The following PDE10A variants were observed in gnomAD, a reference collection of about 807,000 sequenced individuals.
PDE10A encodes the protein phosphodiesterase 10A.
A neutral mutation model predicts 97.7 loss-of-function variants in PDE10A; 39 were observed. The observed-to-expected ratio is 0.40, with a 90% CI of 0.31 to 0.52. The LOEUF (loss-of-function observed/expected upper bound fraction) is 0.52. Ranked by LOEUF, PDE10A falls within the 20% of genes least tolerant of loss-of-function variation. The pLI, the probability that PDE10A is intolerant of heterozygous loss-of-function variation, is 0.56. For synonymous variants in PDE10A, 371 were observed against 376.8 expected (o/e 0.98, Z 0.18); for missense variants, 731 against 1,047.8 (o/e 0.70, Z 4.17).
chr6:165,956,656 G>GCCTTTTCCTA (rs1178001022), intron 1 of PDE10A, among the ~76,000 whole-genome samples: 2 of 152,170 alleles, frequency 1.3e-5, no homozygotes, highest in Non-Finnish European at 2.9e-5. Context: ...ACCAGATCCT[G>GCCTTTTCCTA]CCTTTTCCTA....
In PDE10A at chr6:165,655,352, G is replaced by A. The variant is rs963549167; in HGVS notation, c.865+6595C>T. ...CATCTCAGGCTGAACACCACCAAAC[G>A]CCACGCCTGATTCCTTGCGCACCCC... On this transcript the variant is annotated intron_variant, in intron 1 of 21. Transcript: ENST00000539869. This position sits in a 1 kb window ranked among gnomAD's most constrained non-coding sequence, Gnocchi z 4.5. Among the ~76,000 whole-genome samples, 1 of 151,914 alleles carries A rather than the reference G, an allele frequency of 6.6e-6. No homozygotes were observed. Among genetic ancestry groups the A allele is most frequent in the African/African-American group, 2.4e-5 (1 of 41,334 alleles).
intron 1 of PDE10A, among the ~76,000 whole-genome samples, chr6:165,807,685 A>C (rs2128466729): frequency 6.6e-6 from 1 of 152,190 alleles, no homozygotes; most frequent in East Asian, 1.9e-4. Flanking sequence ...TAACTCCCAC[A>C]AGTCCTCTTA....
At chr6:165,658,681 T>C (rs1790085144) in intron 1 of PDE10A, among the ~76,000 whole-genome samples, 1 of 152,264 alleles carries the variant, frequency 6.6e-6, no homozygotes, top group Non-Finnish European at 1.5e-5. Flanking sequence ...CCCACGTGAC[T>C]TCTCCGCTCT....
At chr6:165,695,932 C>T (rs1169502699) in intron 1 of PDE10A, among the ~76,000 whole-genome samples, 1 of 152,118 alleles carries the variant, frequency 6.6e-6, no homozygotes, top group East Asian at 1.9e-4. Flanking sequence ...GTTGAAAACA[C>T]CCAGGGCAAT....
intron 1 of PDE10A, among the ~76,000 whole-genome samples, chr6:165,859,593 A>C (rs1304190983): frequency 2.0e-5 from 3 of 152,248 alleles, no homozygotes; most frequent in African/African-American, 7.2e-5. Flanking sequence ...CACGCCACCC[A>C]CCAGGAGCTG....
chr6:165,463,202 G>A (rs1179313853), intron 3 of PDE10A, among the ~76,000 whole-genome samples: 1 of 152,182 alleles, frequency 6.6e-6, no homozygotes, highest in Non-Finnish European at 1.5e-5. Flanking sequence ...TACAGCAAAA[G>A]TTCCTATTAT....
intron 1 of PDE10A, among the ~76,000 whole-genome samples, chr6:165,719,301 C>T (rs1281583816): frequency 6.6e-6 from 1 of 152,146 alleles, no homozygotes; most frequent in African/African-American, 2.4e-5. Flanking sequence ...AAGGAACGTT[C>T]CTGTGAAGCT....
intron 19 of PDE10A, among the ~76,000 whole-genome samples, chr6:165,341,382 C>T (rs1562363752): frequency 6.6e-6 from 1 of 152,180 alleles, no homozygotes. Flanking sequence ...TTTAAGTTGT[C>T]ATTTAATGAC....
intron 3 of PDE10A, among the ~76,000 whole-genome samples, chr6:165,467,751 A>C (rs1778743520): frequency 6.6e-6 from 1 of 152,244 alleles, no homozygotes; most frequent in Admixed American, 6.5e-5. Flanking sequence ...CAAAGGATTT[A>C]GAATATTCTA....
chr6:165,657,050 G>GAATTTCC lies in PDE10A; in HGVS notation c.865+4890_865+4896dup, dbSNP rs200144957. Among the ~76,000 whole-genome samples the GAATTTCC allele has an allele frequency of 3.6e-4, 55 of 152,298 alleles. No individual in the cohort carries two copies. In the East Asian group the frequency reaches 0.01, roughly 29 times the overall value. On this transcript the variant is annotated intron_variant, in intron 1 of 21. Transcript: ENST00000539869. The stretch of plus-strand genomic sequence containing the variant: ...TAGATTTATTTTGGCTTTCATCTTT[G>GAATTTCC]AATTTCCAACACAAGTATTTGAGTA...
At chr6:165,952,878 G>C (rs1202159936) in intron 1 of PDE10A, among the ~76,000 whole-genome samples, 3 of 151,154 alleles carry the variant, frequency 2.0e-5, no homozygotes, top group Admixed American at 6.6e-5. Context: ...AAAGGCCACA[G>C]TGCATTCCTA....
At chr6:165,974,351 T>C (rs1784786675) in intron 1 of PDE10A, among the ~76,000 whole-genome samples, 2 of 152,302 alleles carry the variant, frequency 1.3e-5, no homozygotes, top group South Asian at 2.1e-4. Context: ...CTAAAAATGA[T>C]TGGAACAATC....
chr6:165,722,885 C>CAT (rs1463794175), intron 1 of PDE10A, among the ~76,000 whole-genome samples: 1 of 147,106 alleles, frequency 6.8e-6, no homozygotes, highest in African/African-American at 2.6e-5. Context: ...TATATATATA[C>CAT]ACACACACAC....
At chr6:165,804,266 A>T (rs1054467381) in intron 1 of PDE10A, among the ~76,000 whole-genome samples, 1 of 152,186 alleles carries the variant, frequency 6.6e-6, no homozygotes, top group Non-Finnish European at 1.5e-5. Context: ...ACAATGACTC[A>T]TCTTATATTC....
chr6:165,632,310 A>C (rs1469113581), intron 1 of PDE10A, among the ~76,000 whole-genome samples: 1 of 151,956 alleles, frequency 6.6e-6, no homozygotes, highest in Non-Finnish European at 1.5e-5. Flanking sequence ...CTTGAATCAT[A>C]GGAAATTAAA....
intron 1 of PDE10A, among the ~76,000 whole-genome samples, chr6:165,869,894 T>G (rs1781153027): frequency 6.6e-6 from 1 of 152,230 alleles, no homozygotes; most frequent in South Asian, 2.1e-4. Flanking sequence ...GATATCCATA[T>G]GCAAAAGAAT....
At chr6:165,875,767 T>C in intron 1 of PDE10A, among the ~76,000 whole-genome samples, 1 of 150,760 alleles carries the variant, frequency 6.6e-6, no homozygotes. Context: ...TGTGTGTTTG[T>C]TTTAACACGG....
chr6:165,728,498 A>C (rs1042977732), intron 1 of PDE10A, among the ~76,000 whole-genome samples: 3 of 152,188 alleles, frequency 2.0e-5, no homozygotes, highest in Non-Finnish European at 4.4e-5. Flanking sequence ...AAGAAAAAGA[A>C]TCTGTTTGCA....
chr6:165,444,241 G>A lies in PDE10A; in HGVS notation c.1194+4687C>T, dbSNP rs551479613. ...GTTTCAAACTTTCCTTCATCTTCCT[G>A]TCTTTTGAGCCCTCCAGTTTCCTTT... On this transcript the variant is annotated intron_variant, in intron 5 of 21. Transcript: ENST00000539869. 3.5e-4 allele frequency among the ~76,000 whole-genome samples: 54 copies of A among 152,162 alleles called. No homozygotes were observed. The South Asian group carries it at 0.011, about 31-fold the overall frequency.
Sources: allele counts gnomAD v4.1 joint callset (sites outside exome capture counted in the v4.1 genomes callset), GRCh38; gene constraint gnomAD v4.1.1; non-coding constraint Gnocchi (gnomAD v3.1); transcripts MANE v1.5; gene names NCBI Gene and HGNC (gene_info 2026-07-23, HGNC 2026-07-21).